The following MSR1 variants were observed in gnomAD, a reference collection of about 807,000 sequenced individuals.
MSR1 encodes the protein macrophage scavenger receptor 1, also known as macrophage scavenger receptor types I and II.
Under a neutral mutation model 47.2 loss-of-function variants are expected in MSR1, and 53 were observed. The observed-to-expected ratio is 1.12, with a 90% CI of 0.90 to 1.41. The LOEUF is 1.41. MSR1 is among the 40% of genes most tolerant of loss of function. MSR1 has a pLI of 0.00. For synonymous variants in MSR1, 239 were observed against 185.6 expected (o/e 1.29, Z -2.34); for missense variants, 786 against 546.9 (o/e 1.44, Z -4.36).
At chr8:16,189,431 C>CATATTTTATATATATTTTATAT in intron 1 of MSR1, among the ~76,000 whole-genome samples, 1 of 67,418 alleles carries the variant, frequency 1.5e-5, no homozygotes, top group African/African-American at 1.1e-4. Context: ...TATATAAAAT[C>CATATTTTATATATATTTTATAT]ATATTTTATA....
At chr8:16,188,885 C>T (rs903237195) in intron 1 of MSR1, among the ~76,000 whole-genome samples, 2 of 150,706 alleles carry the variant, frequency 1.3e-5, no homozygotes, top group African/African-American at 4.9e-5. Context: ...GTATATATGC[C>T]ACATTTTCTT....
At chr8:16,134,491 T>C (rs13278890) in intron 8 of MSR1, among the ~76,000 whole-genome samples, 91,608 of 151,980 alleles carry the variant, frequency 0.6, 33,172 homozygotes, top group Non-Finnish European at 0.8. Flanking sequence ...TTGATATATG[T>C]TGTGTGTATT....
intron 5 of MSR1, among the ~76,000 whole-genome samples, chr8:16,156,905 G>C (rs1268247229): frequency 6.6e-6 from 1 of 151,892 alleles, no homozygotes; most frequent in Non-Finnish European, 1.5e-5. Flanking sequence ...TACTTCCCAA[G>C]AAAATGGAGT....
intron 5 of MSR1, among the ~76,000 whole-genome samples, chr8:16,157,650 A>G (rs757563157): frequency 2.6e-5 from 4 of 151,954 alleles, no homozygotes; most frequent in Non-Finnish European, 4.4e-5. Context: ...TCATTGGGGG[A>G]ATAAAATAAC....
chr8:16,180,958 G>A (rs1381274109), intron 1 of MSR1, among the ~76,000 whole-genome samples: 1 of 152,040 alleles, frequency 6.6e-6, no homozygotes, highest in Admixed American at 6.6e-5. Flanking sequence ...CCTTTCTCAG[G>A]TAGAGGCAAA....
At chr8:16,119,675 T>C (rs985123826) in intron 9 of MSR1, among the ~76,000 whole-genome samples, 1 of 152,010 alleles carries the variant, frequency 6.6e-6, no homozygotes, top group African/African-American at 2.4e-5. Flanking sequence ...TTCTAGGCAT[T>C]TGAGAAGTTC....
intron 1 of MSR1, among the ~76,000 whole-genome samples, chr8:16,183,610 C>G (rs995526571): frequency 2.4e-5 from 3 of 122,974 alleles, no homozygotes; most frequent in African/African-American, 6.4e-5. Context: ...ATATAATAGG[C>G]AAATATATAA....
Position 16,186,248 on chromosome 8 carries a change from C to T in MSR1, c.-5+6350G>A, listed in dbSNP as rs796243613. ...TTTATTTCTGGGTATTCCTCCTCAT[C>T]TCCCCAACGTCTCAACAGCAGAGTG... On this transcript the variant is annotated intron_variant, in intron 1 of 9. Coordinates refer to ENST00000262101, the MANE Select transcript of MSR1 (RefSeq NM_138715.3). 2.1e-5 allele frequency: 32 copies of T among 1,503,750 alleles called. No homozygotes were observed. The African/African-American group carries it at 4.1e-4, about 19-fold the overall frequency. The allele number at this position is 1,503,750 out of a possible 1,614,324, so 93.2% of individuals were successfully genotyped here. A position where few individuals can be genotyped will look rare whatever the true frequency, so the allele number is the denominator to read the frequency against.
chr8:16,140,683 G>T (rs1428417042), intron 8 of MSR1: 3 of 1,307,890 alleles, frequency 2.3e-6, no homozygotes, highest in Middle Eastern at 3.0e-4. Context: ...TAGGTCAATG[G>T]GTGGCAGAGA....
chr8:16,175,377 A>G (rs1368679976), intron 2 of MSR1, 77 bp from the exon 3 acceptor site: 15 of 1,166,016 alleles, frequency 1.3e-5, no homozygotes, highest in Non-Finnish European at 1.9e-5. Context: ...TTAATCTCCA[A>G]TTATATTCTT....
chr8:16,139,675 A>T, intron 8 of MSR1: 1 of 974,618 alleles, frequency 1.0e-6, no homozygotes, highest in Non-Finnish European at 1.2e-6. Context: ...TGACCAGGTA[A>T]TACATGAAAA....
intron 3 of MSR1, among the ~76,000 whole-genome samples, 193 bp downstream of exon 3, chr8:16,174,994 T>C (rs926827976): frequency 6.6e-6 from 1 of 152,238 alleles, no homozygotes; most frequent in Non-Finnish European, 1.5e-5. Flanking sequence ...TTTTTTCTAA[T>C]TTAAAAACTA....
At chr8:16,115,167 G>GAA (rs1237276338) in intron 9 of MSR1, among the ~76,000 whole-genome samples, 1 of 151,958 alleles carries the variant, frequency 6.6e-6, no homozygotes, top group Non-Finnish European at 1.5e-5. Context: ...CAACAAGAGC[G>GAA]AAACTCCATC....
intron 2 of MSR1, among the ~76,000 whole-genome samples, chr8:16,176,431 C>A (rs1801648934): frequency 6.6e-6 from 1 of 150,536 alleles, no homozygotes; most frequent in African/African-American, 2.4e-5. Flanking sequence ...TGCTTGAGCC[C>A]AAGAGGTTGA....
At chr8:16,113,150 A>T (rs535656578) in intron 9 of MSR1, among the ~76,000 whole-genome samples, 10 of 151,628 alleles carry the variant, frequency 6.6e-5, no homozygotes, top group African/African-American at 2.4e-4. Context: ...GGGTTTCACC[A>T]TGTTGGCCAG....
At position 16,120,552 on chromosome 8, in the gene MSR1, ACC is replaced by A; in HGVS notation, c.1086_1087del (p.Arg362SerfsTer14). On this transcript the variant is annotated frameshift_variant, in exon 9 of 10. Coordinates refer to ENST00000262101, the MANE Select transcript of MSR1 (RefSeq NM_138715.3). LOFTEE classifies it high-confidence loss of function. Reference sequence around the variant, plus strand: ...CCACTGGCCGCTGTGGAGTATCTCCACCCTCCCCTCGTGAGGGCCGCTCCCAC... The same window carrying A: ...CCACTGGCCGCTGTGGAGTATCTCCACTCCCCTCGTGAGGGCCGCTCCCAC... 1.9e-6 allele frequency: 3 copies of A among 1,588,782 alleles called. No individual in the cohort carries two copies. Among genetic ancestry groups the A allele is most frequent in the Non-Finnish European group, 2.6e-6 (3 of 1,174,216 alleles).
chr8:16,182,294 T>G (rs1801855660), intron 1 of MSR1, among the ~76,000 whole-genome samples: 1 of 152,208 alleles, frequency 6.6e-6, no homozygotes, highest in Admixed American at 6.6e-5. Flanking sequence ...GAAGTTGCTC[T>G]GGGTGAGTCA....
At chr8:16,186,759 G>C (rs1179265546) in intron 1 of MSR1, among the ~76,000 whole-genome samples, 2 of 149,410 alleles carry the variant, frequency 1.3e-5, no homozygotes, top group African/African-American at 5.0e-5. Flanking sequence ...AGCCTCCTGA[G>C]TAGCTGGGTC....
Position 16,191,261 on chromosome 8 carries a change from T to C in MSR1, c.-5+1337A>G, listed in dbSNP as rs554006890. Among the ~76,000 whole-genome samples, 44 of 152,342 alleles carry C rather than the reference T, an allele frequency of 2.9e-4. 1 individual carries two copies. The highest frequency in any genetic ancestry group is 6.3e-4 in the African/African-American group (26 of 41,582). On this transcript the variant is annotated intron_variant, in intron 1 of 9. Transcript: ENST00000262101. ...TATATTGTGCCTGATGTCACTGATA[T>C]TCATCCTTGGTAGCAAAGAAGAAAG...
Sources: gnomAD v4.1 joint callset for allele counts (sites outside exome capture counted in the v4.1 genomes callset) on GRCh38, gnomAD v4.1.1 for gene constraint, MANE v1.5 for transcripts, NCBI Gene and HGNC (gene_info 2026-07-23, HGNC 2026-07-21) for gene names.